The following ATRX variants were observed in gnomAD, a reference collection of about 807,000 sequenced individuals.
ATRX encodes the protein ATRX chromatin remodeler.
A neutral mutation model predicts 172.6 loss-of-function variants in ATRX; 12 were observed. The observed-to-expected ratio is 0.07, with a 90% CI of 0.04 to 0.11. The LOEUF (loss-of-function observed/expected upper bound fraction) is 0.11. Ranked by LOEUF, ATRX falls within the 10% of genes least tolerant of loss-of-function variation. ATRX has a pLI of 1.00. For missense variants in ATRX, 1,368 were observed against 1,767.4 expected, an observed-to-expected ratio of 0.77 and a Z score of 4.05; for synonymous variants, 674 against 594.7, an observed-to-expected ratio of 1.13 and a Z score of -1.94.
chrX:77,560,906 A>C (rs1346444655), intron 28 of ATRX, among the ~76,000 whole-genome samples: 2 of 112,021 alleles, frequency 1.8e-5, no homozygotes, highest in Non-Finnish European at 3.8e-5. Flanking sequence ...TGAAAATTAA[A>C]CAATATGTAT....
chrX:77,571,712 T>C (rs1044319409), intron 28 of ATRX, among the ~76,000 whole-genome samples: 1 of 111,747 alleles, frequency 8.9e-6, no homozygotes, highest in African/African-American at 3.2e-5. Context: ...AGTTTTGATA[T>C]TGAAATATAA....
chrX:77,515,025 T>C (rs1557038530), intron 34 of ATRX, among the ~76,000 whole-genome samples: 1 of 111,908 alleles, frequency 8.9e-6, no homozygotes, highest in Non-Finnish European at 1.9e-5. Context: ...ACATCACTGA[T>C]CATTAGAGAA....
intron 15 of ATRX, among the ~76,000 whole-genome samples, chrX:77,636,982 AGAAGAAG>A (rs1304304101): frequency 2.0e-5 from 2 of 100,838 alleles, no homozygotes; most frequent in African/African-American, 7.8e-5. Context: ...AGAAGAAGGA[AGAAGAAG>A]GAAGGAGGAG....
intron 34 of ATRX, among the ~76,000 whole-genome samples, chrX:77,519,613 T>C (rs1330046705): frequency 9.0e-6 from 1 of 111,561 alleles, no homozygotes; most frequent in African/African-American, 3.3e-5. Flanking sequence ...AAATATCATC[T>C]TACCCCAGTT....
intron 30 of ATRX, among the ~76,000 whole-genome samples, chrX:77,528,559 GGTGGC>G (rs2063473589): frequency 1.2e-5 from 1 of 82,131 alleles, no homozygotes; most frequent in African/African-American, 4.4e-5. Context: ...CCTACAGTAG[GGTGGC>G]GTGATTGTTA....
intron 1 of ATRX, among the ~76,000 whole-genome samples, chrX:77,731,378 C>T (rs782290241): frequency 3.9e-4 from 44 of 111,551 alleles, no homozygotes; most frequent in African/African-American, 1.2e-3. Flanking sequence ...GACCTGATGG[C>T]TTCACTGCTG....
At chrX:77,603,503 C>G (rs2066763129) in intron 22 of ATRX, among the ~76,000 whole-genome samples, 1 of 107,036 alleles carries the variant, frequency 9.3e-6, no homozygotes, top group African/African-American at 3.4e-5. Flanking sequence ...GTAGCTGAGA[C>G]TACAGGTGCC....
intron 1 of ATRX, among the ~76,000 whole-genome samples, chrX:77,740,077 A>AAAT (rs1350060024): frequency 0.07 from 3,808 of 54,155 alleles, 65 homozygotes; most frequent in Admixed American, 0.1. Flanking sequence ...AAAAAAAAAA[A>AAAT]TTTTTAAAAA....
At chrX:77,600,109 T>A (rs45456098) in intron 23 of ATRX, among the ~76,000 whole-genome samples, 1 of 112,022 alleles carries the variant, frequency 8.9e-6, no homozygotes, top group Non-Finnish European at 1.9e-5. Flanking sequence ...AATTTCTTAG[T>A]TTTGATAACT....
At chrX:77,739,273 A>T (rs1486192953) in intron 1 of ATRX, among the ~76,000 whole-genome samples, 2 of 110,550 alleles carry the variant, frequency 1.8e-5, no homozygotes, top group African/African-American at 3.3e-5. Flanking sequence ...TTCACTTAGA[A>T]TAATAGTCTC....
chrX:77,623,056 A>G (rs373183435), intron 19 of ATRX, among the ~76,000 whole-genome samples: 60 of 111,542 alleles, frequency 5.4e-4, no homozygotes, highest in Middle Eastern at 4.6e-3. Flanking sequence ...CCAAGATCAG[A>G]GCAGTACTAA....
chrX:77,686,438 G>A (rs781810621), intron 7 of ATRX, among the ~76,000 whole-genome samples: 2 of 112,225 alleles, frequency 1.8e-5, no homozygotes, highest in African/African-American at 3.2e-5. Context: ...TACTGCAGCC[G>A]GGTACAGTGG....
At chrX:77,565,470 A>C (rs782461815) in intron 28 of ATRX, among the ~76,000 whole-genome samples, 1 of 112,334 alleles carries the variant, frequency 8.9e-6, no homozygotes, top group African/African-American at 3.2e-5. Flanking sequence ...TAGTCATTAT[A>C]AAAATGCCTC....
At chrX:77,661,952 T>A (rs782504765) in intron 12 of ATRX, among the ~76,000 whole-genome samples, 1 of 111,271 alleles carries the variant, frequency 9.0e-6, no homozygotes, top group African/African-American at 3.3e-5. Flanking sequence ...ATCCCATCCA[T>A]CATGTGCCAA....
intron 2 of ATRX, among the ~76,000 whole-genome samples, chrX:77,708,921 T>G (rs934215692): frequency 1.1e-4 from 12 of 112,546 alleles, no homozygotes; most frequent in Non-Finnish European, 1.9e-4. Context: ...AATGTTTTAT[T>G]ACCAGCCAGA....
intron 1 of ATRX, among the ~76,000 whole-genome samples, chrX:77,753,921 T>G (rs2075392063): frequency 8.9e-6 from 1 of 111,843 alleles, no homozygotes; most frequent in African/African-American, 3.3e-5. Flanking sequence ...GTGATCTGTC[T>G]AATATTGACA....
At chrX:77,782,481 G>C (rs1451010499) in intron 1 of ATRX, among the ~76,000 whole-genome samples, 1 of 112,549 alleles carries the variant, frequency 8.9e-6, no homozygotes, top group Non-Finnish European at 1.9e-5. Context: ...AAGCGCAGTG[G>C]CTCACACCTG....
intron 1 of ATRX, among the ~76,000 whole-genome samples, chrX:77,748,971 T>A (rs782158378): frequency 1.8e-5 from 2 of 111,402 alleles, no homozygotes; most frequent in South Asian, 7.5e-4. Context: ...AACTTTTATT[T>A]GTATATATTT....
chrX:77,638,146 T>C (rs1557109340), intron 15 of ATRX, among the ~76,000 whole-genome samples: 3 of 111,250 alleles, frequency 2.7e-5, no homozygotes, highest in Non-Finnish European at 5.7e-5. Flanking sequence ...ATAAATCCTA[T>C]TACCCATCAC....
Sources: allele counts gnomAD v4.1 joint callset (sites outside exome capture counted in the v4.1 genomes callset), GRCh38; gene constraint gnomAD v4.1.1; transcripts MANE v1.5; gene names NCBI Gene and HGNC (gene_info 2026-07-23, HGNC 2026-07-21).